The following FHOD3 variants were observed in gnomAD, a reference collection of about 807,000 sequenced individuals.
FHOD3 encodes the protein FH1/FH2 domain-containing protein 3.
FHOD3 carries 90 observed loss-of-function variants against 173.0 expected under a neutral mutation model. The observed-to-expected ratio is 0.52, with a 90% CI of 0.44 to 0.62. The LOEUF (loss-of-function observed/expected upper bound fraction) is 0.62, where lower values mean the gene tolerates loss of function less well. Ranked by LOEUF, FHOD3 falls within the 20% of genes least tolerant of loss-of-function variation. FHOD3 has a pLI of 0.00. For missense variants in FHOD3, 1,945 were observed against 2,034.7 expected, an observed-to-expected ratio of 0.96 and a Z score of 0.85; for synonymous variants, 828 against 823.0, an observed-to-expected ratio of 1.01 and a Z score of -0.10.
chr18:36,575,614 A>C (rs547203076), intron 5 of FHOD3, among the ~76,000 whole-genome samples: 3 of 152,336 alleles, frequency 2.0e-5, no homozygotes, highest in East Asian at 3.9e-4. Context: ...GAAAAATGTC[A>C]ATGCCCTGAC....
chr18:36,718,434 C>G lies in FHOD3; in HGVS notation c.3136C>G (p.Pro1046Ala). The G allele has an allele frequency of 6.7e-7, 1 of 1,489,948 alleles. No homozygotes were observed. 92.3% of individuals were successfully genotyped at this position (1,489,948 alleles called of 1,614,324 possible). Reference sequence around the variant, plus strand: ...TCCGCCCCTGTTGGACAGCATTCCTCCCCCTCCTGTCCCTGGTAATTTATT... The same window carrying G: ...TCCGCCCCTGTTGGACAGCATTCCTGCCCCTCCTGTCCCTGGTAATTTATT... ...PPPPLLDSIP[P>A]PPVPGNLLVP... The change falls in exon 19 of 29, where the codon CCC becomes GCC. Residue 1046 changes from proline (P) to alanine (A), a missense_variant. Physicochemically the swap from Pro to Ala is conservative, Grantham distance 27. This residue lies in a region of FHOD3 where 1,099 missense variants were observed against 1,051.2 expected (regional missense o/e 1.05). Coordinates refer to ENST00000590592, the MANE Select transcript of FHOD3 (RefSeq NM_001281740.3).
chr18:36,617,823 AT>A (rs2033351380), intron 9 of FHOD3, among the ~76,000 whole-genome samples: 1 of 151,976 alleles, frequency 6.6e-6, no homozygotes, highest in Non-Finnish European at 1.5e-5. Context: ...GTGAGGGAAG[AT>A]TTTTGGTAAC....
chr18:36,776,784 T>C (rs1052468683), intron 28 of FHOD3, among the ~76,000 whole-genome samples: 32 of 152,086 alleles, frequency 2.1e-4, no homozygotes, highest in Admixed American at 3.3e-4. Context: ...ATCCAAACCA[T>C]GAGTAGACCC....
chr18:36,706,165 G>GGA (rs2039869383), intron 17 of FHOD3, among the ~76,000 whole-genome samples: 1 of 152,170 alleles, frequency 6.6e-6, no homozygotes, highest in South Asian at 2.1e-4. Flanking sequence ...CCCTCCAGCA[G>GGA]GAGAGGAAGG....
At chr18:36,701,101 A>T (rs769117955) in intron 17 of FHOD3, among the ~76,000 whole-genome samples, 3 of 152,242 alleles carry the variant, frequency 2.0e-5, no homozygotes, top group Non-Finnish European at 4.4e-5. Flanking sequence ...GGAGCAGAAC[A>T]AGCATTCAGT....
intron 5 of FHOD3, among the ~76,000 whole-genome samples, chr18:36,573,817 A>C (rs1259956276): frequency 1.3e-5 from 2 of 152,196 alleles, no homozygotes; most frequent in Middle Eastern, 3.2e-3. Flanking sequence ...TGGTATATTA[A>C]ATAATGCTTC....
At chr18:36,663,672 G>C (rs956654846) in intron 14 of FHOD3, among the ~76,000 whole-genome samples, 8 of 152,218 alleles carry the variant, frequency 5.3e-5, no homozygotes, top group Admixed American at 6.5e-5. Flanking sequence ...TGATCCCCTT[G>C]AACACCTATC....
At chr18:36,592,696 G>A (rs757872315) in intron 6 of FHOD3, among the ~76,000 whole-genome samples, 1 of 152,186 alleles carries the variant, frequency 6.6e-6, no homozygotes, top group Non-Finnish European at 1.5e-5. Context: ...GTGGAGATGG[G>A]GTGAGGGAAG....
intron 9 of FHOD3, among the ~76,000 whole-genome samples, chr18:36,617,628 A>C (rs923770688): frequency 4.7e-5 from 2 of 42,170 alleles, no homozygotes; most frequent in African/African-American, 6.6e-5. Flanking sequence ...TGCAATAGTT[A>C]AGATGTTTAG....
At chr18:36,636,903 T>C (rs2034932140) in intron 10 of FHOD3, among the ~76,000 whole-genome samples, 1 of 152,150 alleles carries the variant, frequency 6.6e-6, no homozygotes, top group African/African-American at 2.4e-5. Flanking sequence ...ATTTTTTCTT[T>C]TCTATATATT....
At chr18:36,651,768 A>G (rs1035025538) in intron 11 of FHOD3, among the ~76,000 whole-genome samples, 3 of 152,114 alleles carry the variant, frequency 2.0e-5, no homozygotes, top group Admixed American at 1.3e-4. Context: ...AAAAATGTAT[A>G]TATTTAAGGT....
chr18:36,719,608 T>G (rs2040647588), intron 19 of FHOD3, among the ~76,000 whole-genome samples: 1 of 152,222 alleles, frequency 6.6e-6, no homozygotes, highest in Non-Finnish European at 1.5e-5. Flanking sequence ...AAAGCATAAT[T>G]TAGAATAAAC....
Position 36,497,594 on chromosome 18 carries a change from A to T in FHOD3, c.338-4338A>T, listed in dbSNP as rs149272234. On this transcript the variant is annotated intron_variant, in intron 3 of 28. Transcript: ENST00000590592. ...AAAAGTAGACTTTAAAACAGGGAATATTGACAGGGATGAAGAGAGGTATTA... is the reference window on the plus strand; with the variant it reads ...AAAAGTAGACTTTAAAACAGGGAATTTTGACAGGGATGAAGAGAGGTATTA... Among the ~76,000 whole-genome samples the T allele has an allele frequency of 2.8e-3, 423 of 152,360 alleles. 2 individuals carry two copies. Among genetic ancestry groups the T allele is most frequent in the Non-Finnish European group, 3.9e-3 (268 of 68,038 alleles).
At chr18:36,421,945 A>G (rs1032271481) in intron 3 of FHOD3, among the ~76,000 whole-genome samples, 1 of 152,248 alleles carries the variant, frequency 6.6e-6, no homozygotes, top group African/African-American at 2.4e-5. Flanking sequence ...TGGAGTGGCA[A>G]TGATGTTTCA....
At chr18:36,339,317 C>T (rs1351654954) in intron 1 of FHOD3, among the ~76,000 whole-genome samples, 3 of 152,100 alleles carry the variant, frequency 2.0e-5, no homozygotes, top group Non-Finnish European at 4.4e-5. Flanking sequence ...AGGCAGCAGC[C>T]AACTGGCTGC....
At chr18:36,376,241 A>G (rs767753909) in intron 3 of FHOD3, among the ~76,000 whole-genome samples, 2 of 152,194 alleles carry the variant, frequency 1.3e-5, no homozygotes, top group Non-Finnish European at 2.9e-5. Context: ...TTAAGACCCT[A>G]AAGTTAATAT....
intron 3 of FHOD3, among the ~76,000 whole-genome samples, chr18:36,477,574 CCTACCTACCTACCTACCTACCTACCTAT>C (rs2053655107): frequency 6.9e-6 from 1 of 144,588 alleles, no homozygotes; most frequent in Non-Finnish European, 1.5e-5. Context: ...TACCTACCTA[CCTACCTACCTACCTACCTACCTACCTAT>C]CTACCTATCT....
At chr18:36,419,376 C>T (rs1029630040) in intron 3 of FHOD3, among the ~76,000 whole-genome samples, 2 of 151,908 alleles carry the variant, frequency 1.3e-5, no homozygotes, top group Admixed American at 1.3e-4. Flanking sequence ...TGACCCAACT[C>T]TAGTGTGCCC....
intron 5 of FHOD3, among the ~76,000 whole-genome samples, chr18:36,537,930 A>G (rs1324911439): frequency 2.6e-5 from 4 of 152,330 alleles, no homozygotes; most frequent in Admixed American, 6.5e-5. Context: ...AAGATAGACC[A>G]TATACTGGGC....
Sources: allele counts gnomAD v4.1 joint callset (sites outside exome capture counted in the v4.1 genomes callset), GRCh38; gene constraint gnomAD v4.1.1; regional missense constraint gnomAD v4.1.1; transcripts MANE v1.5; gene names NCBI Gene and HGNC (gene_info 2026-07-23, HGNC 2026-07-21).